CACNA2D1: variants seen among roughly 807,000 people sequenced by gnomAD.
CACNA2D1 encodes the protein voltage-dependent calcium channel subunit alpha-2/delta-1.
CACNA2D1 carries 53 observed loss-of-function variants against 171.5 expected under a neutral mutation model. The observed-to-expected ratio is 0.31, with a 90% CI of 0.25 to 0.39. The LOEUF (loss-of-function observed/expected upper bound fraction) is 0.39. Among genes scored for constraint, CACNA2D1 ranks in the 10% least tolerant of loss-of-function variants. CACNA2D1 has a pLI of 1.00. For synonymous variants in CACNA2D1, 442 were observed against 443.1 expected (o/e 1.00, Z 0.03); for missense variants, 903 against 1,299.8 (o/e 0.69, Z 4.69).
Position 81,964,314 on chromosome 7 carries a change from G to A in CACNA2D1, c.2620C>T (p.Leu874=), listed in dbSNP as rs1446567301. The A allele has an allele frequency of 3.7e-6, 6 of 1,611,950 alleles. No homozygotes were observed. The highest frequency in any genetic ancestry group is 5.1e-6 in the Non-Finnish European group (6 of 1,178,670). ...GEIDPSLMRH[L]VNISVYAFNK... ...AAAGCATAAACTGATATATTAACCA[G>A]GTGTCTCATCAAGCTGGGATCAATC... Residue 874 remains leucine (L), a synonymous_variant, in exon 33 of 39, where the codon CTG becomes TTG. Coordinates refer to ENST00000356860, the MANE Select transcript of CACNA2D1 (RefSeq NM_000722.4).
chr7:82,349,696 A>G, intron 1 of CACNA2D1, 47 bp from the exon 2 acceptor site: 1 of 1,383,380 alleles, frequency 7.2e-7, no homozygotes, highest in Non-Finnish European at 1.0e-6. Flanking sequence ...TCTGGCAAAT[A>G]AAAGTCACAT....
At chr7:82,199,298 G>C (rs917675457) in intron 3 of CACNA2D1, among the ~76,000 whole-genome samples, 11 of 151,962 alleles carry the variant, frequency 7.2e-5, no homozygotes, top group African/African-American at 2.7e-4. Context: ...AATAAGAGCA[G>C]AAAAAGATAT....
At chr7:81,995,800 A>AAAAAT (rs1491083729) in intron 19 of CACNA2D1, among the ~76,000 whole-genome samples, 2,169 of 43,440 alleles carry the variant, frequency 0.05, 52 homozygotes, top group African/African-American at 0.27. Context: ...CTCCACCTCA[A>AAAAAT]AAAAAAAAAA....
At chr7:82,210,159 A>C (rs1800414932) in intron 3 of CACNA2D1, among the ~76,000 whole-genome samples, 1 of 149,908 alleles carries the variant, frequency 6.7e-6, no homozygotes, top group African/African-American at 2.4e-5. Flanking sequence ...GAATAAATGA[A>C]TTGAGGGTAA....
chr7:81,969,063 T>G (rs1795005961), intron 28 of CACNA2D1, 90 bp from the exon 29 acceptor site: 3 of 805,598 alleles, frequency 3.7e-6, no homozygotes, highest in Non-Finnish European at 6.1e-6. Flanking sequence ...TGGATAGTAT[T>G]TTGCTTAAAA....
chr7:81,983,781 G>A (rs1338854630), intron 22 of CACNA2D1, among the ~76,000 whole-genome samples: 5 of 152,172 alleles, frequency 3.3e-5, no homozygotes, highest in Non-Finnish European at 5.9e-5. Flanking sequence ...ATAATGCACA[G>A]TGAACACCAG....
At chr7:82,228,513 A>AACAATTT (rs1802585260) in intron 3 of CACNA2D1, among the ~76,000 whole-genome samples, 1 of 146,890 alleles carries the variant, frequency 6.8e-6, no homozygotes, top group Non-Finnish European at 1.5e-5. Flanking sequence ...GTTAACAATT[A>AACAATTT]GTTACAAAAA....
chr7:82,439,146 G>C (rs1345015130), intron 1 of CACNA2D1, among the ~76,000 whole-genome samples: 1 of 151,960 alleles, frequency 6.6e-6, no homozygotes, highest in Non-Finnish European at 1.5e-5. Context: ...ACCTTAAGAG[G>C]TGCTTTATAT....
intron 6 of CACNA2D1, among the ~76,000 whole-genome samples, chr7:82,108,350 G>C (rs576797492): frequency 1.3e-5 from 2 of 152,268 alleles, no homozygotes; most frequent in African/African-American, 4.8e-5. Context: ...CCTCATATCT[G>C]CATGTACTCA....
At chr7:82,250,028 A>T (rs1226730746) in intron 3 of CACNA2D1, among the ~76,000 whole-genome samples, 1 of 152,274 alleles carries the variant, frequency 6.6e-6, no homozygotes. Flanking sequence ...TGCTAGCACC[A>T]GCGAGGGTCT....
At chr7:82,219,516 T>C (rs1801525660) in intron 3 of CACNA2D1, among the ~76,000 whole-genome samples, 1 of 152,092 alleles carries the variant, frequency 6.6e-6, no homozygotes, top group Non-Finnish European at 1.5e-5. Context: ...GGCTATCCAT[T>C]ATCTATTGTA....
chr7:82,442,602 T>C (rs1830588053), intron 1 of CACNA2D1, among the ~76,000 whole-genome samples: 1 of 152,214 alleles, frequency 6.6e-6, no homozygotes, highest in African/African-American at 2.4e-5. Context: ...AGCGAGGTTT[T>C]TAAAAGTTAT....
intron 3 of CACNA2D1, among the ~76,000 whole-genome samples, chr7:82,288,057 G>A (rs1811053183): frequency 6.6e-6 from 1 of 150,780 alleles, no homozygotes; most frequent in Non-Finnish European, 1.5e-5. Context: ...AGCCGGGATG[G>A]ACTCGATCTC....
chr7:82,313,303 T>G (rs1230357497), intron 3 of CACNA2D1, among the ~76,000 whole-genome samples: 1 of 152,054 alleles, frequency 6.6e-6, no homozygotes, highest in Non-Finnish European at 1.5e-5. Flanking sequence ...TATATTTCTT[T>G]GACCTATTTT....
chr7:82,007,819 A>G (rs755681963), intron 15 of CACNA2D1, 63 bp from the exon 16 acceptor site: 4 of 938,922 alleles, frequency 4.3e-6, no homozygotes, highest in Admixed American at 1.7e-5. Context: ...GTCAGAGTGC[A>G]CTAACCTTTG....
chr7:82,216,842 T>C (rs1585124161), intron 3 of CACNA2D1, among the ~76,000 whole-genome samples: 1 of 130,772 alleles, frequency 7.6e-6, no homozygotes, highest in Non-Finnish European at 1.6e-5. Flanking sequence ...GTCAAAAAAA[T>C]AGCTATACAT....
chr7:82,335,287 A>T (rs1198377895), intron 2 of CACNA2D1, 36 bp from the exon 3 acceptor site: 1 of 1,210,774 alleles, frequency 8.3e-7, no homozygotes, highest in East Asian at 2.3e-5. Context: ...TAAGAACAAT[A>T]GTTACTTATT....
intron 1 of CACNA2D1, among the ~76,000 whole-genome samples, chr7:82,402,769 G>A (rs1826581075): frequency 6.8e-6 from 1 of 146,786 alleles, no homozygotes; most frequent in South Asian, 2.2e-4. Context: ...TAAAGAGTTT[G>A]AATATTATCC....
At chr7:82,080,101 GTATA>G (rs894632610) in intron 7 of CACNA2D1, among the ~76,000 whole-genome samples, 4 of 148,498 alleles carry the variant, frequency 2.7e-5, no homozygotes, top group South Asian at 2.1e-4. Flanking sequence ...ATAGATGTGT[GTATA>G]TATATACATA....
Sources: allele counts gnomAD v4.1 joint callset (sites outside exome capture counted in the v4.1 genomes callset), GRCh38; gene constraint gnomAD v4.1.1; transcripts MANE v1.5; gene names NCBI Gene and HGNC (gene_info 2026-07-23, HGNC 2026-07-21).